LRP1B: variants seen among roughly 807,000 people sequenced by gnomAD.
LRP1B encodes low-density lipoprotein receptor-related protein 1B.
Under a neutral mutation model 556.6 loss-of-function variants are expected in LRP1B, and 217 were observed. The observed-to-expected ratio is 0.39, with a 90% CI of 0.35 to 0.44. The LOEUF is 0.44. Among genes scored for constraint, LRP1B ranks in the 20% least tolerant of loss-of-function variants. LRP1B has a pLI of 1.00. For synonymous variants in LRP1B, 2,047 were observed against 1,865.8 expected, an observed-to-expected ratio of 1.10 and a Z score of -2.50; for missense variants, 5,053 against 5,620.8, an observed-to-expected ratio of 0.90 and a Z score of 3.23.
intron 2 of LRP1B, among the ~76,000 whole-genome samples, chr2:141,780,355 G>C (rs1418444858): frequency 6.6e-6 from 1 of 151,870 alleles, no homozygotes; most frequent in African/African-American, 2.4e-5. Context: ...AATGTTTTTG[G>C]ATGGGTGGGA....
chr2:141,280,563 T>A (rs1685474244), intron 3 of LRP1B, among the ~76,000 whole-genome samples: 1 of 151,938 alleles, frequency 6.6e-6, no homozygotes, highest in African/African-American at 2.4e-5. Context: ...ATAAATAATT[T>A]TCTATTCTAG....
At chr2:140,451,819 TA>T (rs1686899150) in intron 62 of LRP1B, among the ~76,000 whole-genome samples, 1 of 151,968 alleles carries the variant, frequency 6.6e-6, no homozygotes, top group Non-Finnish European at 1.5e-5. Flanking sequence ...AAAAAACATG[TA>T]ATGAAACTTG....
intron 41 of LRP1B, among the ~76,000 whole-genome samples, chr2:140,637,549 G>T (rs1288958469): frequency 6.6e-6 from 1 of 152,112 alleles, no homozygotes; most frequent in Non-Finnish European, 1.5e-5. Flanking sequence ...TTCTGCTTCT[G>T]TATGAATTTT....
At chr2:140,958,814 C>A (rs1573922385) in intron 18 of LRP1B, among the ~76,000 whole-genome samples, 1 of 151,390 alleles carries the variant, frequency 6.6e-6, no homozygotes, top group African/African-American at 2.4e-5. Context: ...GAGAAATTTA[C>A]CCACCACCCC....
At chr2:141,023,956 T>G (rs541788103) in intron 11 of LRP1B, among the ~76,000 whole-genome samples, 1 of 152,000 alleles carries the variant, frequency 6.6e-6, no homozygotes, top group Non-Finnish European at 1.5e-5. Flanking sequence ...TTTAAATAAT[T>G]AAGTCTGCAT....
chr2:141,587,057 ACT>A (rs1350082671), intron 2 of LRP1B, among the ~76,000 whole-genome samples: 2 of 152,154 alleles, frequency 1.3e-5, no homozygotes, highest in Non-Finnish European at 2.9e-5. Flanking sequence ...AAACAAACTG[ACT>A]CTGCAACATA....
intron 41 of LRP1B, among the ~76,000 whole-genome samples, chr2:140,641,660 G>A (rs1334761127): frequency 1.3e-5 from 2 of 152,164 alleles, no homozygotes; most frequent in Non-Finnish European, 2.9e-5. Flanking sequence ...TAAATTTCCA[G>A]TGCCAAGCAT....
At chr2:141,426,176 T>G (rs28675982) in intron 3 of LRP1B, among the ~76,000 whole-genome samples, 21,453 of 150,920 alleles carry the variant, frequency 0.14, 1,721 homozygotes, top group South Asian at 0.26. Flanking sequence ...ATTAAATAGG[T>G]AATCCTTTCC....
At chr2:140,831,181 T>C (rs1265175365) in intron 31 of LRP1B, among the ~76,000 whole-genome samples, 1 of 151,910 alleles carries the variant, frequency 6.6e-6, no homozygotes, top group Non-Finnish European at 1.5e-5. Flanking sequence ...ACCAATGATG[T>C]TACAGAGCCA....
intron 6 of LRP1B, among the ~76,000 whole-genome samples, chr2:141,189,791 G>A (rs566688806): frequency 2.0e-5 from 3 of 151,948 alleles, no homozygotes; most frequent in African/African-American, 7.2e-5. Flanking sequence ...TAGGTAGCTA[G>A]TGACTACTGT....
intron 62 of LRP1B, 112 bp downstream of exon 62, chr2:140,456,343 T>C (rs1206116673): frequency 9.4e-7 from 1 of 1,067,778 alleles, no homozygotes; most frequent in African/African-American, 1.6e-5. Flanking sequence ...TGTTTTCCTT[T>C]ATTCTGTGAC....
chr2:142,079,459 G>T (rs1313282430), intron 1 of LRP1B, among the ~76,000 whole-genome samples: 1 of 152,040 alleles, frequency 6.6e-6, no homozygotes. Flanking sequence ...TATTCAAAAT[G>T]TGATTTTTCA....
At chr2:141,154,673 A>G (rs1244493175) in intron 7 of LRP1B, among the ~76,000 whole-genome samples, 1 of 151,896 alleles carries the variant, frequency 6.6e-6, no homozygotes, top group East Asian at 1.9e-4. Context: ...GCTCAACAAT[A>G]AAGTTCAACA....
intron 3 of LRP1B, among the ~76,000 whole-genome samples, chr2:141,312,428 T>G (rs933650803): frequency 2.0e-5 from 3 of 152,240 alleles, no homozygotes; most frequent in African/African-American, 7.2e-5. Flanking sequence ...GAAATATGTG[T>G]TAATTTACTG....
At chr2:141,497,441 CT>C (rs1303239470) in intron 2 of LRP1B, among the ~76,000 whole-genome samples, 2 of 152,050 alleles carry the variant, frequency 1.3e-5, no homozygotes, top group African/African-American at 4.8e-5. Context: ...AAAAACACCT[CT>C]GGTAGCAACT....
chr2:141,541,957 T>C (rs1414308132), intron 2 of LRP1B, among the ~76,000 whole-genome samples: 1 of 152,082 alleles, frequency 6.6e-6, no homozygotes, highest in Non-Finnish European at 1.5e-5. Flanking sequence ...CTAGAAGTTA[T>C]GGCAGGCATC....
chr2:141,410,047 A>G (rs1299227813), intron 3 of LRP1B, among the ~76,000 whole-genome samples: 1 of 152,032 alleles, frequency 6.6e-6, no homozygotes, highest in Non-Finnish European at 1.5e-5. Context: ...AATATATTCT[A>G]GGAGAGAGAA....
At chr2:141,664,074 C>G (rs1262584714) in intron 2 of LRP1B, among the ~76,000 whole-genome samples, 1 of 152,108 alleles carries the variant, frequency 6.6e-6, no homozygotes, top group African/African-American at 2.4e-5. Context: ...GGATGCAAGG[C>G]TGGTTCAACA....
intron 59 of LRP1B, among the ~76,000 whole-genome samples, chr2:140,479,418 T>C (rs1471995290): frequency 6.6e-6 from 1 of 152,150 alleles, no homozygotes; most frequent in African/African-American, 2.4e-5. Context: ...CCCAATCTCA[T>C]ATGTAAAATT....
Sources: allele counts gnomAD v4.1 joint callset (sites outside exome capture counted in the v4.1 genomes callset), GRCh38; gene constraint gnomAD v4.1.1; transcripts MANE v1.5; gene names NCBI Gene and HGNC (gene_info 2026-07-23, HGNC 2026-07-21).